FLCN: variants seen among roughly 807,000 people sequenced by gnomAD.
FLCN encodes folliculin, also known as BHD skin lesion fibrofolliculoma protein.
A neutral mutation model predicts 62.5 loss-of-function variants in FLCN; 22 were observed. That is an observed-to-expected ratio of 0.35 (90% CI 0.25 to 0.50). The LOEUF is 0.50. Among genes scored for constraint, FLCN ranks in the 20% least tolerant of loss-of-function variants. The pLI, the probability that FLCN is intolerant of heterozygous loss-of-function variation, is 0.97. For synonymous variants in FLCN, 319 were observed against 310.0 expected (o/e 1.03, Z -0.30); for missense variants, 657 against 778.0 (o/e 0.84, Z 1.85).
At chr17:17,223,025 A>G in intron 6 of FLCN, 2 of 367,806 alleles carry the variant, frequency 5.4e-6, no homozygotes, top group Admixed American at 3.7e-5. Flanking sequence ...GGCTCTGGTC[A>G]ATGAGCTGAG....
At position 17,216,614 on chromosome 17, in the gene FLCN, T is replaced by TC. The variant is rs1381723553; in HGVS notation, c.1177-112dup. On this transcript the variant is annotated intron_variant, in intron 10 of 13. Transcript: ENST00000285071. This position sits in a 1 kb window ranked among gnomAD's most constrained non-coding sequence, Gnocchi z 4.0. ...GCCTCCTGCAGCCCGGTCCAAGCCC[T>TC]CCCTCCTGCCAGAGGAGTCCCCAGA... is the stretch of plus-strand genomic sequence containing the variant. 1.4e-5 allele frequency: 21 copies of TC among 1,525,738 alleles called. No homozygotes were observed. Among genetic ancestry groups the TC allele is most frequent in the Non-Finnish European group, 1.8e-5 (20 of 1,132,090 alleles). The allele number at this position is 1,525,738 out of a possible 1,614,324, so 94.5% of individuals were successfully genotyped here. A position where few individuals can be genotyped will look rare whatever the true frequency, so the allele number is the denominator to read the frequency against.
At chr17:17,223,294 T>C (rs998305004) in intron 6 of FLCN, among the ~76,000 whole-genome samples, 2 of 152,154 alleles carry the variant, frequency 1.3e-5, no homozygotes, top group African/African-American at 4.8e-5. Context: ...GGTTTCTCCA[T>C]GTTGGTCAAG....
At chr17:17,221,887 T>C (rs2047101925) in intron 7 of FLCN, among the ~76,000 whole-genome samples, 1 of 152,016 alleles carries the variant, frequency 6.6e-6, no homozygotes, top group Non-Finnish European at 1.5e-5. Flanking sequence ...GGGGCGCTGC[T>C]CCGATGCCAA....
Position 17,214,987 on chromosome 17 carries a change from C to A in FLCN, c.1536G>T (p.Met512Ile), listed in dbSNP as rs1303612288. 4 of 1,613,960 alleles carry A rather than the reference C, an allele frequency of 2.5e-6. No individual in the cohort carries two copies. Among genetic ancestry groups the A allele is most frequent in the Non-Finnish European group, 3.4e-6 (4 of 1,179,994 alleles). The change falls in exon 13 of 14, where the codon ATG becomes ATT. Residue 512 changes from methionine (M) to isoleucine (I), a missense_variant and splice_region_variant. Met to Ile is a conservative substitution (Grantham distance 10). Coordinates refer to ENST00000285071, the MANE Select transcript of FLCN (RefSeq NM_144997.7). Reference sequence around the variant, plus strand: ...GCCTCACCCACACTGTTGCTTACTTCATCCACTCCTCCTTGAGGCAGACGA... The same window carrying A: ...GCCTCACCCACACTGTTGCTTACTTAATCCACTCCTCCTTGAGGCAGACGA... ...QCLVCLKEEW[M>I]NKVKVLFKFT... is the part of the protein sequence containing the mutation.
At chr17:17,221,255 CT>C in intron 8 of FLCN, 1 of 1,542,436 alleles carries the variant, frequency 6.5e-7, no homozygotes, top group Non-Finnish European at 8.7e-7. Context: ...GACGAGAAGC[CT>C]TTAATCAGCC....
intron 13 of FLCN, 73 bp from the exon 14 acceptor site, chr17:17,213,929 G>C (rs2144814757): frequency 6.6e-7 from 1 of 1,518,578 alleles, no homozygotes; most frequent in African/African-American, 1.4e-5. Flanking sequence ...GGGCCAACCA[G>C]GGGTGACACG....
chr17:17,233,598 C>CAA (rs71152852), intron 1 of FLCN, among the ~76,000 whole-genome samples: 2,444 of 75,072 alleles, frequency 0.033, 94 homozygotes, highest in African/African-American at 0.097. Flanking sequence ...GACTCCATCT[C>CAA]AAAAAAAAAA....
chr17:17,226,241 G>A lies in FLCN; in HGVS notation c.331C>T (p.His111Tyr). 1 of 1,614,156 alleles carries A rather than the reference G, an allele frequency of 6.2e-7. No individual in the cohort carries two copies. Among genetic ancestry groups the A allele is most frequent in the Non-Finnish European group, 8.5e-7 (1 of 1,180,030 alleles). Residue 111 changes from histidine (H) to tyrosine (Y), a missense_variant, in exon 5 of 14, where the codon CAC (histidine) becomes TAC (tyrosine). By Grantham distance (83) the His-to-Tyr change is moderately conservative. Coordinates refer to ENST00000285071, the MANE Select transcript of FLCN (RefSeq NM_144997.7). ...ETSIKYVSHQ[H>Y]PSHPQLFSIV... ...CTGAAGAGCTGGGGGTGGCTGGGGTGCTGGTGGCTGACGTATTTAATGGAG... is the reference window on the plus strand; with the variant it reads ...CTGAAGAGCTGGGGGTGGCTGGGGTACTGGTGGCTGACGTATTTAATGGAG...
intron 3 of FLCN, chr17:17,228,994 GT>G (rs1179549747): frequency 6.5e-6 from 1 of 152,804 alleles, no homozygotes; most frequent in Non-Finnish European, 1.5e-5. Context: ...CAGGGTGGAG[GT>G]GGGGAACAAG....
At position 17,224,649 on chromosome 17, in the gene FLCN, C is replaced by A. The variant is rs140770962; in HGVS notation, c.397-506G>T. On this transcript the variant is annotated intron_variant, in intron 5 of 13. Transcript: ENST00000285071. ...CTCCTGGGTTCAAGCAATTCTCCTG[C>A]CTCAGCCTCCTGAGTAGCTGGGATT... 976 of 201,674 alleles carry A rather than the reference C, an allele frequency of 4.8e-3. 10 individuals are homozygous for A. The highest frequency in any genetic ancestry group is 0.021 in the African/African-American group (912 of 42,770). The allele number at this position is 201,674 out of a possible 1,614,324, so 12.5% of individuals were successfully genotyped here.
At position 17,214,944 on chromosome 17, in the gene FLCN, AG is replaced by A. The variant is rs1360054132; in HGVS notation, c.1538+40del. On this transcript the variant is annotated intron_variant, in intron 13 of 13. Transcript: ENST00000285071. The stretch of plus-strand genomic sequence containing the variant: ...TTGGAAACAGCTCCAGGTTTTCTCC[AG>A]GGTCGCAAGCAAAGGGGCCTCACCC... 6 of 1,596,442 alleles carry A rather than the reference AG, an allele frequency of 3.8e-6. No individual in the cohort carries two copies. Among genetic ancestry groups the A allele is most frequent in the East Asian group, 2.2e-5 (1 of 44,818 alleles).
At chr17:17,226,479 T>C (rs1200922729) in intron 4 of FLCN, among the ~76,000 whole-genome samples, 157 bp from the exon 5 acceptor site, 1 of 152,198 alleles carries the variant, frequency 6.6e-6, no homozygotes, top group Non-Finnish European at 1.5e-5. Context: ...AAATGTTTCC[T>C]AAAGAGGAAA....
rs2046941063 is a variant in FLCN, at chr17:17,216,869, CA to C, written c.1176+199del. 6.2e-6 allele frequency: 4 copies of C among 642,212 alleles called. No individual in the cohort carries two copies. Among genetic ancestry groups the C allele is most frequent in the Admixed American group, 2.3e-5 (1 of 43,264 alleles). The allele number at this position is 642,212 out of a possible 1,614,324, so 39.8% of individuals were successfully genotyped here. On this transcript the variant is annotated intron_variant, in intron 10 of 13. Transcript: ENST00000285071. The surrounding 1 kb of genome is among the most constrained non-coding windows in gnomAD (Gnocchi z 4.0). ...TTCCCTCTCAGGCCTGGGCAGTCAG[CA>C]GGCACACGCATCCTTCTGATGATTT...
At chr17:17,228,455 G>GA in intron 3 of FLCN, 1 of 406,348 alleles carries the variant, frequency 2.5e-6, no homozygotes, top group Non-Finnish European at 4.6e-6. Context: ...CGCTGGAAAG[G>GA]AATGTCCTCA....
Position 17,216,843 on chromosome 17 carries a change from G to A in FLCN, c.1176+226C>T, listed in dbSNP as rs1255257816. On this transcript the variant is annotated intron_variant, in intron 10 of 13. Coordinates refer to ENST00000285071, the MANE Select transcript of FLCN (RefSeq NM_144997.7). The surrounding 1 kb of genome is among the most constrained non-coding windows in gnomAD (Gnocchi z 4.0). ...CCAAGACTGTGTCATATGCATTTTT[G>A]TTCCCTCTCAGGCCTGGGCAGTCAG... 8.1e-6 allele frequency: 5 copies of A among 616,876 alleles called. No individual in the cohort carries two copies. Among genetic ancestry groups the A allele is most frequent in the African/African-American group, 7.3e-5 (4 of 54,508 alleles). 38.2% of individuals were successfully genotyped at this position (616,876 alleles called of 1,614,324 possible). A position where few individuals can be genotyped will look rare whatever the true frequency, so the allele number is the denominator to read the frequency against.
chr17:17,213,545 G>T lies in FLCN; in HGVS notation c.*110C>A. On this transcript the variant is annotated 3_prime_UTR_variant, in exon 14 of 14. Coordinates refer to ENST00000285071, the MANE Select transcript of FLCN (RefSeq NM_144997.7). The stretch of plus-strand genomic sequence containing the variant: ...GCCCTGATGGTTTCCCTTCCTTGCT[G>T]GGACACAGCTCCTTCCAGCAGTTGA... The T allele has an allele frequency of 6.8e-7, 1 of 1,461,040 alleles. No homozygotes were observed. Among genetic ancestry groups the T allele is most frequent in the Non-Finnish European group, 9.5e-7 (1 of 1,050,080 alleles). 90.5% of individuals were successfully genotyped at this position (1,461,040 alleles called of 1,614,324 possible).
intron 6 of FLCN, chr17:17,223,140 C>G: frequency 3.4e-6 from 1 of 291,574 alleles, no homozygotes. Context: ...GTCGCCCAGG[C>G]TGGAGTGCAA....
At chr17:17,224,401 A>G (rs1309501332) in intron 5 of FLCN, 2 of 541,066 alleles carry the variant, frequency 3.7e-6, no homozygotes, top group South Asian at 2.0e-5. Context: ...TGAGCCATAA[A>G]TAACTCCCAT....
Position 17,216,513 on chromosome 17 carries a change from A to T in FLCN, c.1177-10T>A, listed in dbSNP as rs781251189. 6.2e-7 allele frequency: 1 copy of T among 1,613,620 alleles called. No individual in the cohort carries two copies. The highest frequency in any genetic ancestry group is 2.2e-5 in the East Asian group (1 of 44,862). ...CCACGGGAAGCATGGTCTGAGGAGGACAGCAGGACTCAGACCAAGGACACG... is the reference window on the plus strand; with the variant it reads ...CCACGGGAAGCATGGTCTGAGGAGGTCAGCAGGACTCAGACCAAGGACACG... On this transcript the variant is annotated splice_polypyrimidine_tract_variant and intron_variant, in intron 10 of 13. Transcript: ENST00000285071. The surrounding 1 kb of genome is among the most constrained non-coding windows in gnomAD (Gnocchi z 4.0).
Sources: gnomAD v4.1 joint callset for allele counts (sites outside exome capture counted in the v4.1 genomes callset) on GRCh38, gnomAD v4.1.1 for gene constraint, Gnocchi (gnomAD v3.1) non-coding constraint, MANE v1.5 for transcripts, NCBI Gene and HGNC (gene_info 2026-07-23, HGNC 2026-07-21) for gene names.